The following UBE2W variants were observed in gnomAD, a reference collection of about 807,000 sequenced individuals.
UBE2W encodes ubiquitin conjugating enzyme E2 W.
UBE2W carries 18 observed loss-of-function variants against 27.2 expected under a neutral mutation model. That is an observed-to-expected ratio of 0.66 (90% CI 0.46 to 0.98). The LOEUF (loss-of-function observed/expected upper bound fraction) is 0.98. Ranked by LOEUF, UBE2W falls within the 50% of genes least tolerant of loss-of-function variation. UBE2W has a pLI of 0.00. For synonymous variants in UBE2W, 53 were observed against 57.2 expected (o/e 0.93, Z 0.33); for missense variants, 90 against 180.2 (o/e 0.50, Z 2.87).
intron 1 of UBE2W, among the ~76,000 whole-genome samples, chr8:73,844,313 G>C (rs573655584): frequency 6.6e-6 from 1 of 152,232 alleles, no homozygotes; most frequent in East Asian, 1.9e-4. Context: ...ACACCTGACT[G>C]GTTTTCGTAT....
intron 3 of UBE2W, among the ~76,000 whole-genome samples, chr8:73,811,151 A>T (rs1809134656): frequency 6.6e-6 from 1 of 152,164 alleles, no homozygotes; most frequent in South Asian, 2.1e-4. Flanking sequence ...TTACACATCC[A>T]TTATGATGGG....
At chr8:73,828,418 G>A (rs1048760251) in intron 2 of UBE2W, among the ~76,000 whole-genome samples, 2 of 152,090 alleles carry the variant, frequency 1.3e-5, no homozygotes, top group Non-Finnish European at 1.5e-5. Context: ...CCATTTCACT[G>A]CACTGCCTTG....
intron 1 of UBE2W, among the ~76,000 whole-genome samples, chr8:73,872,615 G>A (rs1812046506): frequency 6.6e-6 from 1 of 152,186 alleles, no homozygotes; most frequent in African/African-American, 2.4e-5. Context: ...GTGAAACTAA[G>A]CTCTGAAATC....
chr8:73,803,199 G>C lies in UBE2W; in HGVS notation c.442+2452C>G, dbSNP rs149243514. Among the ~76,000 whole-genome samples the C allele has an allele frequency of 7.4e-3, 1,133 of 152,188 alleles. 16 individuals carry two copies. The highest frequency in any genetic ancestry group is 0.026 in the African/African-American group (1,070 of 41,536). ...CCACTGCACTCCAGCCTGGGCAACAGAGCGAGACTTCATCTCAAAAAATAA... is the reference window on the plus strand; with the variant it reads ...CCACTGCACTCCAGCCTGGGCAACACAGCGAGACTTCATCTCAAAAAATAA... On this transcript the variant is annotated intron_variant, in intron 5 of 5. Coordinates refer to ENST00000602593, the MANE Select transcript of UBE2W (RefSeq NM_018299.6).
At chr8:73,785,510 T>C (rs1485702695), downstream of UBE2W, among the ~76,000 whole-genome samples, 2 of 152,192 alleles carry the variant, frequency 1.3e-5, no homozygotes, top group Non-Finnish European at 2.9e-5. Flanking sequence ...ATCCATTGCC[T>C]AATGCTGGGG....
intron 1 of UBE2W, among the ~76,000 whole-genome samples, chr8:73,844,364 G>A (rs1810678910): frequency 6.6e-6 from 1 of 152,214 alleles, no homozygotes; most frequent in Non-Finnish European, 1.5e-5. Context: ...GGCTGGGCTG[G>A]TCTCCAGCTC....
chr8:73,811,817 C>G (rs1298906530), intron 3 of UBE2W, among the ~76,000 whole-genome samples: 1 of 151,926 alleles, frequency 6.6e-6, no homozygotes, highest in African/African-American at 2.4e-5. Flanking sequence ...AAAAGATATA[C>G]AGTATTGCTT....
At chr8:73,853,389 C>T (rs997796510) in intron 1 of UBE2W, among the ~76,000 whole-genome samples, 3 of 152,130 alleles carry the variant, frequency 2.0e-5, no homozygotes, top group Non-Finnish European at 2.9e-5. Flanking sequence ...CTCAGCCTCC[C>T]GAGCAACTGG....
intron 5 of UBE2W, chr8:73,796,805 AT>A (rs1201608522): frequency 9.2e-6 from 2 of 217,014 alleles, no homozygotes; most frequent in African/African-American, 4.7e-5. Context: ...CAAAAAACTT[AT>A]CCGTTACTAG....
At chr8:73,829,327 T>A (rs1191752610) in intron 2 of UBE2W, among the ~76,000 whole-genome samples, 1 of 152,112 alleles carries the variant, frequency 6.6e-6, no homozygotes, top group Non-Finnish European at 1.5e-5. Flanking sequence ...TACAGGATAC[T>A]CTGAGGTAGG....
intron 3 of UBE2W, among the ~76,000 whole-genome samples, chr8:73,813,862 C>T (rs562591128): frequency 6.6e-6 from 1 of 151,940 alleles, no homozygotes; most frequent in East Asian, 1.9e-4. Flanking sequence ...AAGTGATTCT[C>T]CTGCCTCAGC....
At chr8:73,844,380 C>G (rs1293949399) in intron 1 of UBE2W, among the ~76,000 whole-genome samples, 1 of 152,208 alleles carries the variant, frequency 6.6e-6, no homozygotes, top group African/African-American at 2.4e-5. Flanking sequence ...AGCTCCTGAC[C>G]GTGAGTGATC....
Position 73,860,755 on chromosome 8 carries a change from AG to A in UBE2W, c.15+18052del, listed in dbSNP as rs201840602. 6.5e-3 allele frequency among the ~76,000 whole-genome samples: 989 copies of A among 152,288 alleles called. 6 individuals are homozygous for A. Among genetic ancestry groups the A allele is most frequent in the Non-Finnish European group, 0.011 (738 of 68,028 alleles). On this transcript the variant is annotated intron_variant, in intron 1 of 5. Coordinates refer to ENST00000602593, the MANE Select transcript of UBE2W (RefSeq NM_018299.6). ...GGAGGGGCTAACTAAATGATCTGCTAGGTAAGTTTTAAAAACAAACAAACAA... is the reference window on the plus strand; with the variant it reads ...GGAGGGGCTAACTAAATGATCTGCTAGTAAGTTTTAAAAACAAACAAACAA...
intron 5 of UBE2W, among the ~76,000 whole-genome samples, chr8:73,799,837 G>T (rs1808564993): frequency 6.6e-6 from 1 of 152,240 alleles, no homozygotes; most frequent in East Asian, 1.9e-4. Context: ...TAAGGAAACT[G>T]GCCTGTTCTG....
At chr8:73,826,029 A>T (rs1232659654) in intron 2 of UBE2W, among the ~76,000 whole-genome samples, 1 of 152,104 alleles carries the variant, frequency 6.6e-6, no homozygotes, top group Admixed American at 6.5e-5. Flanking sequence ...TGTCAGACTT[A>T]TTTTTTTCAT....
rs1231702867 is a variant in UBE2W, at chr8:73,786,535, G to A, written c.*7567C>T. On this transcript the variant is annotated 3_prime_UTR_variant, in exon 6 of 6. Coordinates refer to ENST00000602593, the MANE Select transcript of UBE2W (RefSeq NM_018299.6). ...TCAGGATAGATGACTGGTAGGGAGA[G>A]AAGAAAGGACAAGGATGATAACCTT... The A allele has an allele frequency of 2.0e-6, 2 of 985,348 alleles. No individual in the cohort carries two copies. The highest frequency in any genetic ancestry group is 3.5e-5 in the African/African-American group (2 of 57,236). The allele number at this position is 985,348 out of a possible 1,614,324, so 61.0% of individuals were successfully genotyped here.
At chr8:73,830,643 T>A (rs894326751) in intron 1 of UBE2W, among the ~76,000 whole-genome samples, 171 bp from the exon 2 acceptor site, 1 of 150,622 alleles carries the variant, frequency 6.6e-6, no homozygotes, top group Non-Finnish European at 1.5e-5. Context: ...CACACCACAA[T>A]GCCCAGCTAA....
chr8:73,855,091 A>G (rs1250085699), intron 1 of UBE2W, among the ~76,000 whole-genome samples: 1 of 152,186 alleles, frequency 6.6e-6, no homozygotes, highest in East Asian at 1.9e-4. Context: ...CAATGTCATG[A>G]CTTTCCTCTG....
intron 1 of UBE2W, among the ~76,000 whole-genome samples, chr8:73,870,803 T>C (rs1173501980): frequency 7.3e-6 from 1 of 136,474 alleles, no homozygotes; most frequent in Non-Finnish European, 1.6e-5. Flanking sequence ...AAAAAAAATA[T>C]TTGAACAAAG....
Sources: allele counts gnomAD v4.1 joint callset (sites outside exome capture counted in the v4.1 genomes callset), GRCh38; gene constraint gnomAD v4.1.1; transcripts MANE v1.5; gene names NCBI Gene and HGNC (gene_info 2026-07-23, HGNC 2026-07-21).